Variants in SOCS2 observed in about 807,000 individuals in gnomAD.
SOCS2 encodes CIS-2.
In SOCS2, 10 loss-of-function variants were observed where a neutral mutation model predicts 18.6. That is an observed-to-expected ratio of 0.54 (90% confidence interval 0.33 to 0.91). The LOEUF (loss-of-function observed/expected upper bound fraction) is 0.91, where lower values mean the gene tolerates loss of function less well. SOCS2 is among the 40% of genes least tolerant of loss of function. The pLI, the probability that SOCS2 is intolerant of heterozygous loss-of-function variation, is 0.02. For synonymous variants in SOCS2, 104 were observed against 104.0 expected (o/e 1.00, Z 0.00); for missense variants, 231 against 247.2 (o/e 0.93, Z 0.44).
chr12:93,580,382 G>A (rs149599079), downstream of SOCS2, among the ~76,000 whole-genome samples: 680 of 152,200 alleles, frequency 4.5e-3, 2 homozygotes, highest in Non-Finnish European at 7.3e-3. Context: ...AGCACTTTGG[G>A]AGGCCAAGGT....
chr12:93,596,114 T>A, the SOCS2 span, among the ~76,000 whole-genome samples: 1 of 152,172 alleles, frequency 6.6e-6, no homozygotes, highest in Non-Finnish European at 1.5e-5. Context: ...GGAGAATCCT[T>A]GGGATCAATA....
the SOCS2 span, among the ~76,000 whole-genome samples, chr12:93,591,815 G>A: frequency 6.6e-6 from 1 of 152,154 alleles, no homozygotes; most frequent in Admixed American, 6.5e-5. Context: ...AGACGGCTGG[G>A]TGCAATGTTT....
the SOCS2 span, among the ~76,000 whole-genome samples, chr12:93,615,653 T>C: frequency 6.6e-6 from 1 of 152,262 alleles, no homozygotes; most frequent in African/African-American, 2.4e-5. Context: ...TGGAGTGCAG[T>C]GGCACCATGT....
the SOCS2 span, among the ~76,000 whole-genome samples, chr12:93,614,085 ATT>A: frequency 1.3e-4 from 19 of 145,214 alleles, no homozygotes; most frequent in African/African-American, 4.5e-4. Context: ...TTAACCAGCC[ATT>A]TTTTTTTTTT....
the SOCS2 span, among the ~76,000 whole-genome samples, chr12:93,625,761 A>AG: frequency 6.6e-6 from 1 of 151,906 alleles, no homozygotes; most frequent in African/African-American, 2.4e-5. Flanking sequence ...AAAAAAAAAA[A>AG]AAAAAGAGAA....
the SOCS2 span, among the ~76,000 whole-genome samples, chr12:93,617,727 G>A: frequency 1.2e-4 from 19 of 152,092 alleles, no homozygotes; most frequent in African/African-American, 3.9e-4. Context: ...CAATCTTCCA[G>A]GAGCCTAGGA....
the SOCS2 span, among the ~76,000 whole-genome samples, chr12:93,622,603 C>G: frequency 6.6e-6 from 1 of 152,176 alleles, no homozygotes; most frequent in Non-Finnish European, 1.5e-5. Flanking sequence ...AGCTGAGTGT[C>G]TCCTGAGCTC....
At chr12:93,615,914 A>G in the SOCS2 span, among the ~76,000 whole-genome samples, 2 of 152,330 alleles carry the variant, frequency 1.3e-5, no homozygotes, top group East Asian at 3.9e-4. Context: ...GAAAGTAGAA[A>G]GGACCTTAGA....
downstream of SOCS2, among the ~76,000 whole-genome samples, chr12:93,587,917 G>A (rs1401690259): frequency 6.6e-6 from 1 of 152,160 alleles, no homozygotes; most frequent in Non-Finnish European, 1.5e-5. Context: ...ATTTTATGTG[G>A]GAAGTGAAGG....
At chr12:93,571,704 G>C, upstream of SOCS2, 2 of 286,814 alleles carry the variant, frequency 7.0e-6, no homozygotes, top group Non-Finnish European at 1.4e-5. Context: ...CTCTGCGCAC[G>C]GAACTCCGAC....
At chr12:93,585,975 T>A (rs1359011477), downstream of SOCS2, among the ~76,000 whole-genome samples, 1 of 152,250 alleles carries the variant, frequency 6.6e-6, no homozygotes, top group Non-Finnish European at 1.5e-5. Flanking sequence ...GTAAATACTA[T>A]GTAAATAGTT....
chr12:93,614,433 T>C, the SOCS2 span, among the ~76,000 whole-genome samples: 31 of 34,120 alleles, frequency 9.1e-4, 1 homozygote, highest in African/African-American at 2.1e-4. Flanking sequence ...TTCTTTCCCT[T>C]CCTTCCTTCC....
At chr12:93,571,618 G>C (rs2136681811), upstream of SOCS2, 1 of 231,488 alleles carries the variant, frequency 4.3e-6, no homozygotes, top group Non-Finnish European at 8.9e-6. Flanking sequence ...GAGTGGAGGT[G>C]TCCCAGCCCG....
At chr12:93,613,519 G>A in the SOCS2 span, among the ~76,000 whole-genome samples, 1 of 152,128 alleles carries the variant, frequency 6.6e-6, no homozygotes, top group South Asian at 2.1e-4. Context: ...TACTGTCTCC[G>A]AGCCTTAGTT....
chr12:93,603,618 T>C, the SOCS2 span, among the ~76,000 whole-genome samples: 1 of 151,776 alleles, frequency 6.6e-6, no homozygotes, highest in Non-Finnish European at 1.5e-5. Flanking sequence ...TTACCTTTAT[T>C]ATTTTTTTTA....
Position 93,572,982 on chromosome 12 carries a change from C to A in SOCS2, c.85C>A (p.Pro29Thr). ...QWGTAGSAEE[P>T]SPQAARLAKA... ...GGGGACCGCGGGGTCGGCGGAGGAG[C>A]CATCCCCGCAGGCGGCGCGTCTGGC... Residue 29 changes from proline to threonine, a missense_variant, in exon 1 of 2, where the codon CCA becomes ACA. Coordinates refer to ENST00000551556, the MANE Select transcript of SOCS2 (RefSeq NM_001270471.2). The surrounding 1 kb of genome is among the most constrained non-coding windows in gnomAD (Gnocchi z 5.0). 1.3e-6 allele frequency: 2 copies of A among 1,569,878 alleles called. No homozygotes were observed. The highest frequency in any genetic ancestry group is 1.7e-6 in the Non-Finnish European group (2 of 1,158,616).
chr12:93,578,180 G>A (rs1254149803), downstream of SOCS2, among the ~76,000 whole-genome samples: 1 of 152,150 alleles, frequency 6.6e-6, no homozygotes, highest in Non-Finnish European at 1.5e-5. Context: ...TGAGATGAGA[G>A]GTCTTTTTTG....
the SOCS2 span, among the ~76,000 whole-genome samples, chr12:93,610,118 A>G: frequency 6.6e-6 from 1 of 152,216 alleles, no homozygotes; most frequent in Non-Finnish European, 1.5e-5. Context: ...TATGAACTTC[A>G]GGGAATACGT....
chr12:93,591,203 AAG>A, the SOCS2 span, among the ~76,000 whole-genome samples: 1 of 151,916 alleles, frequency 6.6e-6, no homozygotes, highest in South Asian at 2.1e-4. Flanking sequence ...GAAGCGCCAG[AAG>A]AGAGAGCTTT....
Sources: gnomAD v4.1 joint callset for allele counts (sites outside exome capture counted in the v4.1 genomes callset) on GRCh38, gnomAD v4.1.1 for gene constraint, Gnocchi (gnomAD v3.1) non-coding constraint, MANE v1.5 for transcripts, NCBI Gene and HGNC (gene_info 2026-07-23, HGNC 2026-07-21) for gene names.